CACNG2: variants seen among roughly 807,000 people sequenced by gnomAD.
The protein encoded by CACNG2 is calcium voltage-gated channel auxiliary subunit gamma 2.
A neutral mutation model predicts 25.9 loss-of-function variants in CACNG2; 3 were observed. The observed-to-expected ratio is 0.12, with a 90% CI of 0.05 to 0.30. The LOEUF (loss-of-function observed/expected upper bound fraction) is 0.30. Ranked by LOEUF, CACNG2 falls within the 10% of genes least tolerant of loss-of-function variation. The probability of loss-of-function intolerance (pLI) is 1.00; values close to 1 mark genes in which losing one functional copy is unlikely to be tolerated. For synonymous variants in CACNG2, 167 were observed against 173.3 expected, an observed-to-expected ratio of 0.96 and a Z score of 0.29; for missense variants, 341 against 432.5, an observed-to-expected ratio of 0.79 and a Z score of 1.88.
chr22:36,566,541 G>A, intron 2 of CACNG2, 48 bp from the exon 3 acceptor site: 1 of 1,609,136 alleles, frequency 6.2e-7, no homozygotes, highest in Non-Finnish European at 8.5e-7. Flanking sequence ...ATGGCTGTGA[G>A]ACTGAGGCAC....
At chr22:36,574,507 G>A (rs961215766) in intron 2 of CACNG2, among the ~76,000 whole-genome samples, 2 of 152,162 alleles carry the variant, frequency 1.3e-5, no homozygotes, top group Admixed American at 6.5e-5. Context: ...GAGCCTGGGC[G>A]AGGTGGCTCA....
intron 1 of CACNG2, among the ~76,000 whole-genome samples, chr22:36,599,644 G>A (rs1368811168): frequency 2.0e-5 from 3 of 152,176 alleles, no homozygotes; most frequent in Non-Finnish European, 4.4e-5. Context: ...AGGCTGCAGT[G>A]AGCCATGATC....
chr22:36,684,456 A>C (rs980396185), intron 1 of CACNG2, among the ~76,000 whole-genome samples: 4 of 151,860 alleles, frequency 2.6e-5, no homozygotes, highest in Admixed American at 2.0e-4. Context: ...TCTCTACAAA[A>C]ATTCAAAAAA....
rs186045107 is a variant in CACNG2, at chr22:36,701,480, C to T, written c.211+886G>A. 2.0e-4 allele frequency among the ~76,000 whole-genome samples: 31 copies of T among 152,220 alleles called. 1 individual carries two copies. The highest frequency in any genetic ancestry group is 3.8e-4 in the Non-Finnish European group (26 of 68,002). On this transcript the variant is annotated intron_variant, in intron 1 of 3. Transcript: ENST00000300105. The stretch of plus-strand genomic sequence containing the variant: ...CACAGACACACATGCCTCAACACTC[C>T]GCAAGATCAAGGCAAAGAGCTGACA...
chr22:36,582,083 T>G (rs1054618550), intron 2 of CACNG2, among the ~76,000 whole-genome samples: 2 of 152,262 alleles, frequency 1.3e-5, no homozygotes, highest in African/African-American at 4.8e-5. Context: ...GCTACCACTC[T>G]GGTTCAAGCT....
rs1282607615 is a variant in CACNG2 at position 36,569,607 on chromosome 22, T to C, written c.296-3114A>G. The stretch of plus-strand genomic sequence containing the variant: ...CAGGCTGGAGTGCAGTGGCGTGATC[T>C]TGACTCACTGCAACCTCCGTCTTCG... On this transcript the variant is annotated intron_variant, in intron 2 of 3. Coordinates refer to ENST00000300105, the MANE Select transcript of CACNG2 (RefSeq NM_006078.5). 3.3e-5 allele frequency among the ~76,000 whole-genome samples: 5 copies of C among 152,242 alleles called. No individual in the cohort carries two copies. The East Asian group carries it at 9.6e-4, about 29-fold the overall frequency.
intron 2 of CACNG2, among the ~76,000 whole-genome samples, chr22:36,584,227 G>A (rs1253963403): frequency 3.3e-5 from 5 of 152,142 alleles, no homozygotes; most frequent in African/African-American, 4.8e-5. Context: ...TGAGGCAGGC[G>A]GATCACCTGA....
chr22:36,614,054 C>T (rs1297035826), intron 1 of CACNG2, among the ~76,000 whole-genome samples: 3 of 152,206 alleles, frequency 2.0e-5, no homozygotes, highest in Non-Finnish European at 4.4e-5. Flanking sequence ...TCTGTAGTCA[C>T]TGTGATTTAC....
intron 1 of CACNG2, among the ~76,000 whole-genome samples, chr22:36,676,355 A>AGTTCCAG (rs1937019718): frequency 6.6e-6 from 1 of 152,166 alleles, no homozygotes; most frequent in Non-Finnish European, 1.5e-5. Flanking sequence ...TCTTTAGGAG[A>AGTTCCAG]GTGGAACTTG....
chr22:36,637,296 G>C (rs184307765), intron 1 of CACNG2, among the ~76,000 whole-genome samples: 2 of 152,190 alleles, frequency 1.3e-5, no homozygotes, highest in African/African-American at 4.8e-5. Flanking sequence ...TGTGCCTGAA[G>C]GTGCCCAGGG....
chr22:36,567,382 A>G (rs1385043070), intron 2 of CACNG2, among the ~76,000 whole-genome samples: 1 of 152,238 alleles, frequency 6.6e-6, no homozygotes, highest in African/African-American at 2.4e-5. Flanking sequence ...GTTCAACGAC[A>G]CAGTAGTCTG....
intron 1 of CACNG2, among the ~76,000 whole-genome samples, chr22:36,644,376 A>G (rs1253972099): frequency 1.3e-5 from 2 of 152,206 alleles, no homozygotes; most frequent in African/African-American, 4.8e-5. Flanking sequence ...GCAGAACCTC[A>G]CTAGGTCTTT....
chr22:36,602,384 T>A lies in CACNG2; in HGVS notation c.212-14836A>T, dbSNP rs187320135. On this transcript the variant is annotated intron_variant, in intron 1 of 3. Coordinates refer to ENST00000300105, the MANE Select transcript of CACNG2 (RefSeq NM_006078.5). ...TTTATTATTAAACACATTCTAAAAA[T>A]ATATATATATATATTTTTTGAGACA... 5.5e-3 allele frequency among the ~76,000 whole-genome samples: 828 copies of A among 151,202 alleles called. 8 individuals are homozygous for A. The highest frequency in any genetic ancestry group is 0.019 in the African/African-American group (775 of 41,344).
At chr22:36,613,839 G>A (rs1466610870) in intron 1 of CACNG2, among the ~76,000 whole-genome samples, 1 of 151,694 alleles carries the variant, frequency 6.6e-6, no homozygotes, top group Non-Finnish European at 1.5e-5. Flanking sequence ...AATAAATCAT[G>A]CCTTCCTCCA....
rs1569049850 is a variant in CACNG2 at position 36,679,193 on chromosome 22, C to CTTTCTTTCTTTCTTT, written c.211+23172_211+23173insAAAGAAAGAAAGAAA. ...TCCTTCCTTCCTTCCTTCCTTCCTT[C>CTTTCTTTCTTTCTTT]CTTCCTTTCTTTCTTTCTTTCTTTC... On this transcript the variant is annotated intron_variant, in intron 1 of 3. Transcript: ENST00000300105. 2.5e-3 allele frequency among the ~76,000 whole-genome samples: 125 copies of CTTTCTTTCTTTCTTT among 49,194 alleles called. 1 individual carries two copies. Among genetic ancestry groups the CTTTCTTTCTTTCTTT allele is most frequent in the African/African-American group, 1.0e-2 (118 of 11,816 alleles). 32.3% of individuals were successfully genotyped at this position (49,194 alleles called of 152,430 possible).
At chr22:36,577,650 G>GAA (rs544986089) in intron 2 of CACNG2, among the ~76,000 whole-genome samples, 2 of 114,464 alleles carry the variant, frequency 1.7e-5, no homozygotes, top group African/African-American at 3.3e-5. Context: ...CTCCGTCTTG[G>GAA]AAAAAAAAAA....
In CACNG2 at chr22:36,702,731, A is replaced by AT; in HGVS notation, c.-156dup. ...GTATGAATAGAGAATATGGAGAGTT[A>AT]TAAAAAAAGGGAGGTAAGAAAGCTC... On this transcript the variant is annotated 5_prime_UTR_variant, in exon 1 of 4. Coordinates refer to ENST00000300105, the MANE Select transcript of CACNG2 (RefSeq NM_006078.5). The AT allele has an allele frequency of 1.6e-6, 1 of 617,454 alleles. No homozygotes were observed. The highest frequency in any genetic ancestry group is 2.8e-6 in the Non-Finnish European group (1 of 352,418). The allele number at this position is 617,454 out of a possible 1,614,324, so 38.2% of individuals were successfully genotyped here. A position where few individuals can be genotyped will look rare whatever the true frequency, so the allele number is the denominator to read the frequency against.
chr22:36,633,220 C>T (rs1478290695), intron 1 of CACNG2, among the ~76,000 whole-genome samples: 2 of 151,942 alleles, frequency 1.3e-5, no homozygotes, highest in African/African-American at 4.8e-5. Context: ...ATTTGTGCAT[C>T]CACTCTTTCC....
At chr22:36,683,200 T>C (rs911442549) in intron 1 of CACNG2, among the ~76,000 whole-genome samples, 4 of 152,268 alleles carry the variant, frequency 2.6e-5, no homozygotes, top group African/African-American at 7.2e-5. Context: ...AATTAGTTTA[T>C]ATCCATAATT....
Sources: allele counts gnomAD v4.1 joint callset (sites outside exome capture counted in the v4.1 genomes callset), GRCh38; gene constraint gnomAD v4.1.1; transcripts MANE v1.5; gene names NCBI Gene and HGNC (gene_info 2026-07-23, HGNC 2026-07-21).